BTG4: variants seen among roughly 807,000 people sequenced by gnomAD.
The protein encoded by BTG4 is protein BTG4.
In BTG4, 10 loss-of-function variants were observed where a neutral mutation model predicts 19.3. That is an observed-to-expected ratio of 0.52 (90% CI 0.32 to 0.88). The LOEUF is 0.88. BTG4 is among the 40% of genes least tolerant of loss of function. The pLI is 0.04. For missense variants in BTG4, 238 were observed against 281.9 expected (o/e 0.84, Z 1.11); for synonymous variants, 91 against 95.7 (o/e 0.95, Z 0.29).
the BTG4 span, among the ~76,000 whole-genome samples, chr11:111,419,316 G>A: frequency 6.6e-6 from 1 of 152,196 alleles, no homozygotes; most frequent in Non-Finnish European, 1.5e-5. Context: ...CCAAGAATTA[G>A]GCCTGTAACT....
chr11:111,509,657 C>CT, intron 1 of BTG4, among the ~76,000 whole-genome samples: 1 of 151,686 alleles, frequency 6.6e-6, no homozygotes. Flanking sequence ...GATCACGTCA[C>CT]TGCACTCCAG....
the BTG4 span, chr11:111,454,848 G>A: frequency 2.6e-6 from 1 of 381,676 alleles, no homozygotes; most frequent in South Asian, 1.9e-5. Flanking sequence ...TTGGGGGGTG[G>A]GGTTCTGGAG....
chr11:111,406,368 G>A, the BTG4 span, among the ~76,000 whole-genome samples: 1 of 152,102 alleles, frequency 6.6e-6, no homozygotes, highest in Admixed American at 6.5e-5. Flanking sequence ...GGCTCAGCAG[G>A]GCCCTGCTGG....
At chr11:111,497,081 G>A (rs1187113868) in intron 4 of BTG4, 130 bp downstream of exon 4, 2 of 890,100 alleles carry the variant, frequency 2.2e-6, no homozygotes, top group East Asian at 2.7e-5. Flanking sequence ...AAAATATTAA[G>A]AGTCTGGCTT....
chr11:111,429,247 C>T, the BTG4 span, among the ~76,000 whole-genome samples: 2 of 152,246 alleles, frequency 1.3e-5, no homozygotes, highest in African/African-American at 2.4e-5. Context: ...CTTAACATCA[C>T]GCTCTCTCGG....
At chr11:111,438,801 G>T in the BTG4 span, among the ~76,000 whole-genome samples, 2 of 152,178 alleles carry the variant, frequency 1.3e-5, no homozygotes, top group Non-Finnish European at 2.9e-5. Context: ...TAAAGAAGGC[G>T]TGATGTGGTC....
chr11:111,491,915 C>T (rs115234963), downstream of BTG4, among the ~76,000 whole-genome samples: 1,058 of 150,128 alleles, frequency 7.0e-3, 17 homozygotes, highest in African/African-American at 0.024. Flanking sequence ...TACTTTTTAT[C>T]ACAATAAAAA....
At chr11:111,410,775 CTAACT>C in the BTG4 span, among the ~76,000 whole-genome samples, 77 of 152,352 alleles carry the variant, frequency 5.1e-4, no homozygotes, top group African/African-American at 1.7e-3. Flanking sequence ...GTAAGCATTT[CTAACT>C]TAACATGTCT....
the BTG4 span, chr11:111,455,033 G>A: frequency 2.2e-6 from 1 of 456,108 alleles, no homozygotes; most frequent in Non-Finnish European, 4.4e-6. Context: ...ACAAGGCGCT[G>A]CCTCCCAGCC....
chr11:111,387,861 T>C, the BTG4 span, among the ~76,000 whole-genome samples: 100 of 152,314 alleles, frequency 6.6e-4, no homozygotes, highest in Middle Eastern at 0.01. Flanking sequence ...CCATGTGGTC[T>C]GTCCAAGGCA....
At chr11:111,404,740 G>C in the BTG4 span, 1 of 451,138 alleles carries the variant, frequency 2.2e-6, no homozygotes, top group Non-Finnish European at 4.5e-6. Flanking sequence ...GAAAGGACAG[G>C]TCATTCATGC....
chr11:111,419,773 G>C, the BTG4 span, among the ~76,000 whole-genome samples: 1 of 152,234 alleles, frequency 6.6e-6, no homozygotes, highest in African/African-American at 2.4e-5. Flanking sequence ...CAGCGGGATG[G>C]CTTCACCCTC....
the BTG4 span, among the ~76,000 whole-genome samples, chr11:111,449,026 C>G: frequency 6.6e-6 from 1 of 152,116 alleles, no homozygotes; most frequent in Non-Finnish European, 1.5e-5. Context: ...ACATCCTAGC[C>G]CAAGCCCTTC....
chr11:111,488,445 C>T (rs1403459136), intron 5 of BTG4, among the ~76,000 whole-genome samples: 1 of 152,084 alleles, frequency 6.6e-6, no homozygotes, highest in Non-Finnish European at 1.5e-5. Context: ...TGTAGAAATC[C>T]AGTAAAGATG....
In BTG4 at chr11:111,494,968, G is replaced by A. The variant is rs1865628513; in HGVS notation, c.*167C>T. On this transcript the variant is annotated 3_prime_UTR_variant, in exon 5 of 5. Transcript: ENST00000692032. ...AAATTAAATAAGAATTAAAAGTACA[G>A]CTAAGAACAGTGATGATCTGTATGA... 1 of 985,144 alleles carries A rather than the reference G, an allele frequency of 1.0e-6. No homozygotes were observed. The highest frequency in any genetic ancestry group is 1.2e-6 in the Non-Finnish European group (1 of 829,724). The allele number at this position is 985,144 out of a possible 1,614,324, so 61.0% of individuals were successfully genotyped here.
At chr11:111,414,600 G>C in the BTG4 span, 1 of 152,334 alleles carries the variant, frequency 6.6e-6, no homozygotes, top group Non-Finnish European at 1.5e-5. Flanking sequence ...ATCTGGACAG[G>C]CTTATGATTC....
rs931868619 is a variant in BTG4 at position 111,484,615 on chromosome 11, C to T, written c.662+10548G>A. The stretch of plus-strand genomic sequence containing the variant: ...TAATAAATGCTATTTGCAAGCTTCA[C>T]GGTAATGGCAAAGCAAAAACCTGTA... On this transcript the variant is annotated intron_variant, in intron 5 of 5. Transcript: ENST00000356018. Among the ~76,000 whole-genome samples, 18 of 151,806 alleles carry T rather than the reference C, an allele frequency of 1.2e-4. 1 individual carries two copies. The highest frequency in any genetic ancestry group is 2.2e-4 in the African/African-American group (9 of 41,326).
At chr11:111,476,723 GCCCATA>G (rs1452809499) in intron 5 of BTG4, among the ~76,000 whole-genome samples, 1 of 152,078 alleles carries the variant, frequency 6.6e-6, no homozygotes, top group East Asian at 1.9e-4. Context: ...AATAGTCATT[GCCCATA>G]AGACGGGCTA....
At chr11:111,494,793 T>G (rs995305790), downstream of BTG4, 15 of 797,668 alleles carry the variant, frequency 1.9e-5, no homozygotes, top group Non-Finnish European at 2.3e-5. Context: ...GTTTGTTTCT[T>G]GCAACAAACT....
Sources: allele counts gnomAD v4.1 joint callset (sites outside exome capture counted in the v4.1 genomes callset), GRCh38; gene constraint gnomAD v4.1.1; transcripts MANE v1.5; gene names NCBI Gene and HGNC (gene_info 2026-07-23, HGNC 2026-07-21).